The following HS3ST4 variants were observed in gnomAD, a reference collection of about 807,000 sequenced individuals.
HS3ST4 encodes the protein heparan sulfate glucosamine 3-O-sulfotransferase 4.
A neutral mutation model predicts 29.2 loss-of-function variants in HS3ST4; 17 were observed. The ratio of observed to expected loss-of-function variants is 0.58; its 90% CI spans 0.40 to 0.87. The LOEUF (loss-of-function observed/expected upper bound fraction) is 0.87, where lower values mean the gene tolerates loss of function less well. HS3ST4 is among the 40% of genes least tolerant of loss of function. HS3ST4 has a pLI of 0.00. For synonymous variants in HS3ST4, 314 were observed against 285.7 expected (o/e 1.10, Z -1.00); for missense variants, 627 against 634.5 (o/e 0.99, Z 0.13).
At chr16:25,935,340 G>A (rs1968507744) in intron 1 of HS3ST4, among the ~76,000 whole-genome samples, 1 of 152,140 alleles carries the variant, frequency 6.6e-6, no homozygotes, top group South Asian at 2.1e-4. Context: ...AGAGTCCATA[G>A]TTTGCATTAG....
chr16:26,039,849 G>A (rs62034512), intron 1 of HS3ST4, among the ~76,000 whole-genome samples: 12,803 of 151,902 alleles, frequency 0.084, 704 homozygotes, highest in East Asian at 0.18. Context: ...AAAAACTTCC[G>A]CATTGAATTA....
intron 1 of HS3ST4, among the ~76,000 whole-genome samples, chr16:25,964,376 A>G (rs1968823387): frequency 6.6e-6 from 1 of 152,138 alleles, no homozygotes; most frequent in South Asian, 2.1e-4. Context: ...GAGTTGAAAT[A>G]TAAATATATA....
intron 1 of HS3ST4, among the ~76,000 whole-genome samples, chr16:25,964,329 A>G (rs945640921): frequency 6.6e-6 from 1 of 152,302 alleles, no homozygotes; most frequent in South Asian, 2.1e-4. Flanking sequence ...CCTCAGCAAC[A>G]CACACTATAC....
chr16:25,973,811 A>G (rs1295490430), intron 1 of HS3ST4, among the ~76,000 whole-genome samples: 1 of 152,188 alleles, frequency 6.6e-6, no homozygotes, highest in African/African-American at 2.4e-5. Flanking sequence ...GAGGAAACTG[A>G]GACTCAGGTT....
At chr16:26,081,912 C>T (rs1898729846) in intron 1 of HS3ST4, among the ~76,000 whole-genome samples, 1 of 149,108 alleles carries the variant, frequency 6.7e-6, no homozygotes. Context: ...TTTCCTGCCT[C>T]AGCCTCCCGA....
rs757820945 is a variant in HS3ST4 at position 26,135,714 on chromosome 16, G to C, written c.837G>C (p.Lys279Asn). 6.2e-7 allele frequency: 1 copy of C among 1,614,092 alleles called. No homozygotes were observed. Among genetic ancestry groups the C allele is most frequent in the South Asian group, 1.1e-5 (1 of 91,082 alleles). ...CCAAGCGCATTCACTCCATGGCCAAGGACATCAAACTGATTGTGGTGGTGA... is the reference window on the plus strand; with the variant it reads ...CCAAGCGCATTCACTCCATGGCCAACGACATCAAACTGATTGTGGTGGTGA... ...EAPKRIHSMA[K>N]DIKLIVVVRN... The change falls in exon 2 of 2, where the codon AAG becomes AAC. Residue 279 changes from lysine (K) to asparagine (N), a missense_variant. By Grantham distance (94) the Lys-to-Asn change is moderately conservative. Around this residue, in one of 2 missense-constraint regions of HS3ST4, gnomAD observed 225 missense variants for 293.7 expected, o/e 0.77. Coordinates refer to ENST00000331351, the MANE Select transcript of HS3ST4 (RefSeq NM_006040.3).
At chr16:25,855,747 G>A (rs1415345974) in intron 1 of HS3ST4, among the ~76,000 whole-genome samples, 3 of 152,184 alleles carry the variant, frequency 2.0e-5, no homozygotes, top group Non-Finnish European at 4.4e-5. Flanking sequence ...GTGTGTTTGT[G>A]TGTGTATGTT....
chr16:25,697,676 G>A (rs1315129966), intron 1 of HS3ST4, among the ~76,000 whole-genome samples: 1 of 152,174 alleles, frequency 6.6e-6, no homozygotes. Flanking sequence ...CTGAAGAGGA[G>A]CCTGGGAGTC....
chr16:25,792,017 A>G (rs1358581478), intron 1 of HS3ST4, among the ~76,000 whole-genome samples: 1 of 151,956 alleles, frequency 6.6e-6, no homozygotes, highest in Non-Finnish European at 1.5e-5. Flanking sequence ...TTTTTGTTAG[A>G]TTTTAAGAAC....
chr16:25,782,424 C>T (rs1966853468), intron 1 of HS3ST4, among the ~76,000 whole-genome samples: 1 of 152,198 alleles, frequency 6.6e-6, no homozygotes. Context: ...GTCTTTTTGC[C>T]TCTTGCTTTT....
At chr16:26,098,116 A>C (rs931599104) in intron 1 of HS3ST4, among the ~76,000 whole-genome samples, 2 of 152,166 alleles carry the variant, frequency 1.3e-5, no homozygotes, top group East Asian at 1.9e-4. Context: ...AGAAATAGGA[A>C]TGCTTTTACA....
At chr16:26,012,904 C>CCTGGGATTACAGTGCTGG (rs1480788202) in intron 1 of HS3ST4, among the ~76,000 whole-genome samples, 2 of 152,188 alleles carry the variant, frequency 1.3e-5, no homozygotes, top group Admixed American at 1.3e-4. Flanking sequence ...GTGGCTCACG[C>CCTGGGATTACAGTGCTGG]CTGTAATCCC....
In HS3ST4 at chr16:25,767,883, G is replaced by A. The variant is rs186195468; in HGVS notation, c.734+74732G>A. ...AAGTGTTCTCTTTGGTTTCTTAATG[G>A]TGCCCCAGTCAATTAGTTCATTCCT... On this transcript the variant is annotated intron_variant, in intron 1 of 1. Transcript: ENST00000331351. Among the ~76,000 whole-genome samples, 107 of 152,310 alleles carry A rather than the reference G, an allele frequency of 7.0e-4. 1 individual carries two copies. Among genetic ancestry groups the A allele is most frequent in the Non-Finnish European group, 1.2e-3 (81 of 68,026 alleles).
At position 25,692,701 on chromosome 16, in the gene HS3ST4, C is replaced by A; in HGVS notation, c.284C>A (p.Ser95Ter). Residue 95 changes from serine to a stop codon, truncating the protein, a stop_gained, in exon 1 of 2, where the codon TCG becomes TAG. Coordinates refer to ENST00000331351, the MANE Select transcript of HS3ST4 (RefSeq NM_006040.3). LOFTEE classifies it high-confidence loss of function. ...LPTPVRLGAP[S>*]QPPAPPPLDN... ...ACCCCCGTGCGCCTCGGCGCCCCCT[C>A]GCAGCCGCCCGCGCCGCCGCCGCTG... The A allele has an allele frequency of 2.4e-6, 3 of 1,228,224 alleles. No homozygotes were observed. The highest frequency in any genetic ancestry group is 3.0e-6 in the Non-Finnish European group (3 of 987,768). 76.1% of individuals were successfully genotyped at this position (1,228,224 alleles called of 1,614,324 possible). A position where few individuals can be genotyped will look rare whatever the true frequency, so the allele number is the denominator to read the frequency against.
chr16:26,099,017 C>A (rs1336384119), intron 1 of HS3ST4, among the ~76,000 whole-genome samples: 3 of 152,094 alleles, frequency 2.0e-5, no homozygotes, highest in African/African-American at 7.2e-5. Context: ...TCTGGGAAAC[C>A]CTGCTGATGA....
chr16:26,031,653 G>A (rs1447195572), intron 1 of HS3ST4, among the ~76,000 whole-genome samples: 1 of 151,460 alleles, frequency 6.6e-6, no homozygotes, highest in Non-Finnish European at 1.5e-5. Context: ...GTCAATAGGA[G>A]CCTCTGGCCC....
rs995153218 is a variant in HS3ST4, at chr16:25,814,639, C to T, written c.734+121488C>T. On this transcript the variant is annotated intron_variant, in intron 1 of 1. Coordinates refer to ENST00000331351, the MANE Select transcript of HS3ST4 (RefSeq NM_006040.3). ...GATTACAGGGGTGAGCCACAGCGCC[C>T]GGCCTATGTCTGTTTTTTAGTGGAG... Among the ~76,000 whole-genome samples, 16 of 152,230 alleles carry T rather than the reference C, an allele frequency of 1.1e-4. 1 individual carries two copies. The highest frequency in any genetic ancestry group is 3.3e-4 in the Admixed American group (5 of 15,282).
chr16:25,769,759 T>A lies in HS3ST4; in HGVS notation c.734+76608T>A, dbSNP rs571007043. Among the ~76,000 whole-genome samples, 21 of 152,330 alleles carry A rather than the reference T, an allele frequency of 1.4e-4. 1 individual carries two copies. In the South Asian group the frequency reaches 4.1e-3, roughly 30 times the overall value. On this transcript the variant is annotated intron_variant, in intron 1 of 1. Transcript: ENST00000331351. ...TGTTTTAATTGATTCCGCTCCTAGA[T>A]AATGAACGCAGGGTGTCTGCAGGTA...
At chr16:25,752,238 T>A (rs527797844) in intron 1 of HS3ST4, among the ~76,000 whole-genome samples, 1 of 152,202 alleles carries the variant, frequency 6.6e-6, no homozygotes, top group Non-Finnish European at 1.5e-5. Flanking sequence ...TAGCTTTAGA[T>A]AAGTTTCACA....
Sources: allele counts gnomAD v4.1 joint callset (sites outside exome capture counted in the v4.1 genomes callset), GRCh38; gene constraint gnomAD v4.1.1; regional missense constraint gnomAD v4.1.1; transcripts MANE v1.5; gene names NCBI Gene and HGNC (gene_info 2026-07-23, HGNC 2026-07-21).